IFT27: variants seen among roughly 807,000 people sequenced by gnomAD.
IFT27 encodes intraflagellar transport 27, also known as intraflagellar transport protein 27 homolog.
IFT27 carries 19 observed loss-of-function variants against 23.9 expected under a neutral mutation model. The ratio of observed to expected loss-of-function variants is 0.79; its 90% CI spans 0.55 to 1.16. IFT27 has a LOEUF of 1.16. Among genes scored for constraint, IFT27 ranks in the 50% most tolerant of loss-of-function variants. The pLI is 0.00. For synonymous variants in IFT27, 91 were observed against 89.1 expected (o/e 1.02, Z -0.12); for missense variants, 206 against 228.7 (o/e 0.90, Z 0.64).
At chr22:36,769,936 G>A (rs1168331147) in intron 1 of IFT27, among the ~76,000 whole-genome samples, 1 of 152,194 alleles carries the variant, frequency 6.6e-6, no homozygotes, top group East Asian at 1.9e-4. Context: ...ACAGGAAACC[G>A]CCTGTGTTGG....
chr22:36,775,675 T>G lies in IFT27; in HGVS notation c.33A>C (p.Ala11=), dbSNP rs931964336. MVKLAAKCIL[A]GDPAVGKTAL... Reference sequence around the variant, plus strand: ...TCAAGCGCAAGTTTTCAGACTCACCTGCCAGGATGCATTTGGCTGCCAGCT... The same window carrying G: ...TCAAGCGCAAGTTTTCAGACTCACCGGCCAGGATGCATTTGGCTGCCAGCT... The change falls in exon 1 of 7, where the codon GCA becomes GCC. Residue 11 remains alanine (A), a splice_region_variant and synonymous_variant. Transcript: ENST00000433985. The G allele has an allele frequency of 1.2e-6, 2 of 1,614,064 alleles. No homozygotes were observed. The highest frequency in any genetic ancestry group is 8.5e-7 in the Non-Finnish European group (1 of 1,180,016).
intron 6 of IFT27, 168 bp from the exon 7 acceptor site, chr22:36,758,577 T>C: frequency 1.6e-6 from 1 of 608,550 alleles, no homozygotes; most frequent in Non-Finnish European, 3.0e-6. Context: ...AGAAGGAAAC[T>C]CAGATGGAGT....
chr22:36,772,518 T>C, intron 1 of IFT27: 7 of 985,500 alleles, frequency 7.1e-6, no homozygotes, highest in Non-Finnish European at 8.4e-6. Flanking sequence ...TGTTGTTTTC[T>C]TTCTTCTCCA....
intron 1 of IFT27, among the ~76,000 whole-genome samples, chr22:36,769,448 G>A (rs556894919): frequency 6.1e-4 from 93 of 152,238 alleles, no homozygotes; most frequent in African/African-American, 2.1e-3. Flanking sequence ...TCCGCCTCCC[G>A]GGTTCAAGTG....
chr22:36,766,274 A>C, intron 3 of IFT27, 77 bp from the exon 4 acceptor site: 14 of 1,210,306 alleles, frequency 1.2e-5, no homozygotes, highest in African/African-American at 3.0e-5. Context: ...CTCTCAACTC[A>C]CACTGGACTT....
rs770189688 is a variant in IFT27, at chr22:36,767,837, G to C, written c.60C>G (p.Ala20=). 2 of 1,614,066 alleles carry C rather than the reference G, an allele frequency of 1.2e-6. No homozygotes were observed. The highest frequency in any genetic ancestry group is 2.7e-5 in the African/African-American group (2 of 74,924). ...LAGDPAVGKT[A]LAQIFRSDGA... is the part of the protein sequence containing the mutation. The stretch of plus-strand genomic sequence containing the variant: ...CATCACTGCGGAAGATCTGTGCCAG[G>C]GCGGTCTTGCCCACTGCTGGGTCTC... Residue 20 remains alanine, a synonymous_variant, in exon 2 of 7, where the codon GCC becomes GCG. Coordinates refer to ENST00000433985, the MANE Select transcript of IFT27 (RefSeq NM_001177701.3).
intron 6 of IFT27, chr22:36,759,935 T>A (rs1938036269): frequency 6.6e-6 from 1 of 152,246 alleles, no homozygotes; most frequent in African/African-American, 2.4e-5. Context: ...TGGAGAAAGT[T>A]ACCTGGACTT....
At chr22:36,769,413 G>C (rs1938342677) in intron 1 of IFT27, among the ~76,000 whole-genome samples, 1 of 152,202 alleles carries the variant, frequency 6.6e-6, no homozygotes, top group Admixed American at 6.5e-5. Context: ...GAAGTACAGT[G>C]GTGCGATCTA....
intron 4 of IFT27, among the ~76,000 whole-genome samples, 153 bp from the exon 5 acceptor site, chr22:36,764,189 C>G (rs1938180024): frequency 6.6e-6 from 1 of 152,246 alleles, no homozygotes; most frequent in South Asian, 2.1e-4. Context: ...AACAATTTCC[C>G]CAAAGGAATG....
Position 36,763,916 on chromosome 22 carries a change from T to C in IFT27, c.352+3A>G, listed in dbSNP as rs756665373. ...GGGAAACATGGGTGTCTGCAGCCCG[T>C]ACCTGGGAGAGAGATGCCTGGAGCC... is the stretch of plus-strand genomic sequence containing the variant. On this transcript the variant is annotated splice_donor_region_variant and intron_variant, in intron 5 of 6. Coordinates refer to ENST00000433985, the MANE Select transcript of IFT27 (RefSeq NM_001177701.3). The C allele has an allele frequency of 3.1e-6, 5 of 1,601,360 alleles. No individual in the cohort carries two copies. The highest frequency in any genetic ancestry group is 2.2e-5 in the East Asian group (1 of 44,818).
At chr22:36,764,428 C>T (rs557409697) in intron 4 of IFT27, among the ~76,000 whole-genome samples, 1 of 152,378 alleles carries the variant, frequency 6.6e-6, no homozygotes, top group African/African-American at 2.4e-5. Context: ...ACAACGATGA[C>T]AGAGATGGGG....
At chr22:36,763,892 G>T in intron 5 of IFT27, 27 bp downstream of exon 5, 1 of 1,484,568 alleles carries the variant, frequency 6.7e-7, no homozygotes, top group Non-Finnish European at 9.4e-7. Flanking sequence ...GATGCCGCTG[G>T]GAAACATGGG....
At chr22:36,767,101 C>T (rs1938270329) in intron 3 of IFT27, 3 of 466,826 alleles carry the variant, frequency 6.4e-6, no homozygotes, top group South Asian at 5.8e-5. Flanking sequence ...AAGGGCCAGG[C>T]CCATCTCCTA....
chr22:36,766,136 G>T lies in IFT27; in HGVS notation c.234+2C>A, dbSNP rs1454287949. The T allele has an allele frequency of 6.2e-7, 1 of 1,613,244 alleles. No individual in the cohort carries two copies. Among genetic ancestry groups the T allele is most frequent in the Non-Finnish European group, 8.5e-7 (1 of 1,179,272 alleles). On this transcript the variant is annotated splice_donor_variant, in intron 4 of 6. Coordinates refer to ENST00000433985, the MANE Select transcript of IFT27 (RefSeq NM_001177701.3). LOFTEE classifies it high-confidence loss of function. ...TCAGGAAAAAGACCACGTGCTACTT[G>T]CCAATTTATCCAGCATTTCCGAAAA...
chr22:36,772,716 G>A (rs534136951), intron 1 of IFT27: 12 of 984,762 alleles, frequency 1.2e-5, no homozygotes, highest in African/African-American at 8.7e-5. Context: ...GGTGCTCAGC[G>A]AGTATCTGTT....
At position 36,762,951 on chromosome 22, in the gene IFT27, G is replaced by A. The variant is rs112218090; in HGVS notation, c.415C>T (p.Arg139Trp). ...GRRAVDSAEA[R>W]AWALGQGLEC... Reference sequence around the variant, plus strand: ...AGGCCCTGGCCCAGCGCCCATGCCCGGGCCTCAGCTGAGTCCACTGCTCGT... The same window carrying A: ...AGGCCCTGGCCCAGCGCCCATGCCCAGGCCTCAGCTGAGTCCACTGCTCGT... Residue 139 changes from arginine (R) to tryptophan (W), a missense_variant, in exon 6 of 7, where the codon CGG becomes TGG. Transcript: ENST00000433985. The A allele has an allele frequency of 1.6e-3, 2,562 of 1,598,246 alleles. 39 individuals carry two copies. In the African/African-American group the frequency reaches 0.028, roughly 18 times the overall value.
chr22:36,775,523 C>T (rs766603222), intron 1 of IFT27, 151 bp downstream of exon 1: 1 of 796,212 alleles, frequency 1.3e-6, no homozygotes, highest in Non-Finnish European at 2.1e-6. Flanking sequence ...CCACGCCTAA[C>T]GTAATTTACT....
At chr22:36,763,283 A>C (rs74494195) in intron 5 of IFT27, 1 of 370,672 alleles carries the variant, frequency 2.7e-6, no homozygotes, top group Non-Finnish European at 4.8e-6. Context: ...TGCCTCCTTA[A>C]AGGGCTGCAA....
intron 5 of IFT27, chr22:36,763,241 T>C: frequency 2.3e-6 from 1 of 429,016 alleles, no homozygotes; most frequent in Non-Finnish European, 4.1e-6. Context: ...CTGCTAGGTC[T>C]TTTTCTAGAC....
Sources: allele counts gnomAD v4.1 joint callset (sites outside exome capture counted in the v4.1 genomes callset), GRCh38; gene constraint gnomAD v4.1.1; transcripts MANE v1.5; gene names NCBI Gene and HGNC (gene_info 2026-07-23, HGNC 2026-07-21).